The following EXOSC10 variants were observed in gnomAD, a reference collection of about 807,000 sequenced individuals.
EXOSC10 encodes the protein exosome component 10, also known as exosome complex component 10.
EXOSC10 carries 94 observed loss-of-function variants against 126.6 expected under a neutral mutation model. That is an observed-to-expected ratio of 0.74 (90% CI 0.63 to 0.88). EXOSC10 has a LOEUF of 0.88. Among genes scored for constraint, EXOSC10 ranks in the 40% least tolerant of loss-of-function variants. The probability of loss-of-function intolerance (pLI) is 0.00; values close to 1 mark genes in which losing one functional copy is unlikely to be tolerated. For missense variants in EXOSC10, 1,041 were observed against 1,100.5 expected, an observed-to-expected ratio of 0.95 and a Z score of 0.77; for synonymous variants, 395 against 400.8, an observed-to-expected ratio of 0.99 and a Z score of 0.17.
chr1:11,094,558 C>A (rs1380257633), intron 3 of EXOSC10, among the ~76,000 whole-genome samples: 1 of 151,684 alleles, frequency 6.6e-6, no homozygotes, highest in African/African-American at 2.4e-5. Flanking sequence ...ACCTCGGCCT[C>A]CCAAAGTGCT....
At chr1:11,081,025 C>T in intron 11 of EXOSC10, 57 bp downstream of exon 11, 1 of 1,599,472 alleles carries the variant, frequency 6.3e-7, no homozygotes, top group Non-Finnish European at 8.5e-7. Flanking sequence ...AGAACTAGAA[C>T]CTGGCCAGAC....
intron 9 of EXOSC10, among the ~76,000 whole-genome samples, chr1:11,086,629 A>G (rs1374656659): frequency 6.6e-6 from 1 of 152,230 alleles, no homozygotes; most frequent in Non-Finnish European, 1.5e-5. Flanking sequence ...CTCTCAGACC[A>G]CAGTGCAATC....
rs1640037178 is a variant in EXOSC10 at position 11,079,710 on chromosome 1, C to G, written c.1749+1G>C. ...TGCCCAGCCGCAGAAAAGCTTCTTA[C>G]CTTGAGCAGGGGCATCTCTCGGGCC... On this transcript the variant is annotated splice_donor_variant, in intron 14 of 24. Coordinates refer to ENST00000376936, the MANE Select transcript of EXOSC10 (RefSeq NM_001001998.3). LOFTEE classifies it high-confidence loss of function. The G allele has an allele frequency of 6.2e-7, 1 of 1,612,332 alleles. No individual in the cohort carries two copies. The highest frequency in any genetic ancestry group is 8.5e-7 in the Non-Finnish European group (1 of 1,179,088).
chr1:11,097,568 T>C (rs561632806), intron 2 of EXOSC10, among the ~76,000 whole-genome samples: 1 of 149,726 alleles, frequency 6.7e-6, no homozygotes, highest in Non-Finnish European at 1.5e-5. Context: ...CTACTAAAAA[T>C]ACAAAAAATT....
At chr1:11,090,748 T>C in intron 5 of EXOSC10, 80 bp from the exon 6 acceptor site, 1 of 1,169,978 alleles carries the variant, frequency 8.5e-7, no homozygotes, top group Non-Finnish European at 1.2e-6. Context: ...CTGGTTCCCT[T>C]TGTTTTTTGG....
In EXOSC10 at chr1:11,091,606, A is replaced by G; in HGVS notation, c.373-9T>C. On this transcript the variant is annotated splice_polypyrimidine_tract_variant and intron_variant, in intron 3 of 24. Transcript: ENST00000376936. ...TCATCCAGTAAAATACCCTAAGAGT[A>G]GAAGAGGTACTGGTTAAGCATTTTT... The G allele has an allele frequency of 2.5e-6, 4 of 1,605,030 alleles. No homozygotes were observed. The highest frequency in any genetic ancestry group is 3.4e-6 in the Non-Finnish European group (4 of 1,172,008).
intron 3 of EXOSC10, 132 bp from the exon 4 acceptor site, chr1:11,091,729 C>T (rs184025310): frequency 3.2e-6 from 2 of 616,368 alleles, no homozygotes; most frequent in African/African-American, 1.9e-5. Context: ...CGCAATCTTG[C>T]CTCACTGCAA....
chr1:11,077,535 T>C (rs751601348), intron 15 of EXOSC10, 66 bp downstream of exon 15: 9 of 1,604,560 alleles, frequency 5.6e-6, no homozygotes, highest in Admixed American at 3.3e-5. Flanking sequence ...CTGTCAGAGG[T>C]GTACTTGCAC....
At chr1:11,070,347 C>T (rs773171323) in intron 21 of EXOSC10, among the ~76,000 whole-genome samples, 2 of 150,740 alleles carry the variant, frequency 1.3e-5, no homozygotes, top group South Asian at 2.1e-4. Flanking sequence ...AGTGAGACCC[C>T]GTCTCCACCA....
At chr1:11,084,690 G>T (rs1557708995) in intron 9 of EXOSC10, among the ~76,000 whole-genome samples, 2 of 152,174 alleles carry the variant, frequency 1.3e-5, no homozygotes, top group Admixed American at 6.5e-5. Context: ...TAGACATGAA[G>T]TCCTTGCCCA....
rs778549460 is a variant in EXOSC10 at position 11,068,595 on chromosome 1, C to G, written c.2550+50G>C. Reference sequence around the variant, plus strand: ...CTGTCTTCTCAGCAGAGGAGGAGGTCAGAAACAGGCGCCACCAGCGTGCTA... The same window carrying G: ...CTGTCTTCTCAGCAGAGGAGGAGGTGAGAAACAGGCGCCACCAGCGTGCTA... On this transcript the variant is annotated intron_variant, in intron 23 of 24. Transcript: ENST00000376936. 4 of 1,457,538 alleles carry G rather than the reference C, an allele frequency of 2.7e-6. No homozygotes were observed. In the South Asian group the frequency reaches 3.4e-5, roughly 12 times the overall value. The allele number at this position is 1,457,538 out of a possible 1,614,324, so 90.3% of individuals were successfully genotyped here.
In EXOSC10 at chr1:11,080,859, C is replaced by T. The variant is rs752365221; in HGVS notation, c.1491G>A (p.Lys497=). Residue 497 remains lysine (K), a synonymous_variant, in exon 12 of 25, where the codon AAG becomes AAA. Transcript: ENST00000376936. ...TDESYLELYR[K]QKKHLNTQQL... ...GCTGTGTGTTAAGGTGCTTCTTCTG[C>T]TTCCTATAGAGTTCAAGGTAGGACT... 2 of 1,614,022 alleles carry T rather than the reference C, an allele frequency of 1.2e-6. No individual in the cohort carries two copies. The highest frequency in any genetic ancestry group is 1.7e-6 in the Non-Finnish European group (2 of 1,179,992).
chr1:11,081,807 G>A (rs1418762782), intron 10 of EXOSC10, among the ~76,000 whole-genome samples: 3 of 152,170 alleles, frequency 2.0e-5, no homozygotes, highest in Non-Finnish European at 4.4e-5. Context: ...TCTGGGCCAG[G>A]CGCGGTGGCT....
intron 9 of EXOSC10, among the ~76,000 whole-genome samples, chr1:11,085,280 T>C (rs1221010694): frequency 6.6e-6 from 1 of 152,204 alleles, no homozygotes; most frequent in Non-Finnish European, 1.5e-5. Flanking sequence ...TTCTTCCATT[T>C]GTTTGTATCC....
At chr1:11,078,361 C>T (rs1639943373) in intron 14 of EXOSC10, among the ~76,000 whole-genome samples, 1 of 151,328 alleles carries the variant, frequency 6.6e-6, no homozygotes, top group Non-Finnish European at 1.5e-5. Flanking sequence ...GGGTTCACGC[C>T]ATTCTCCTGC....
At chr1:11,095,489 G>A (rs542624344) in intron 3 of EXOSC10, 55 of 262,336 alleles carry the variant, frequency 2.1e-4, no homozygotes, top group South Asian at 9.0e-4. Flanking sequence ...TGAGGCGGGC[G>A]GATCACAAGG....
intron 2 of EXOSC10, among the ~76,000 whole-genome samples, chr1:11,097,407 C>A (rs1387755667): frequency 6.7e-6 from 1 of 148,430 alleles, no homozygotes; most frequent in South Asian, 2.1e-4. Context: ...ATAAAAATAC[C>A]TGCTACTCTA....
chr1:11,077,724 T>G, intron 14 of EXOSC10, 73 bp from the exon 15 acceptor site: 1 of 1,292,850 alleles, frequency 7.7e-7, no homozygotes. Flanking sequence ...TCTCCAGCGC[T>G]GACTGTATTC....
rs923523099 is a variant in EXOSC10 at position 11,077,363 on chromosome 1, A to G, written c.1879+2T>C. 8.1e-6 allele frequency: 13 copies of G among 1,608,482 alleles called. No individual in the cohort carries two copies. Among genetic ancestry groups the G allele is most frequent in the Non-Finnish European group, 1.1e-5 (13 of 1,175,560 alleles). ...GACAGTCAGGAGGGCTCTCGACTTT[A>G]CCACTGGTTGGGATGATTGGATAGC... is the stretch of plus-strand genomic sequence containing the variant. On this transcript the variant is annotated splice_donor_variant, in intron 16 of 24. Transcript: ENST00000376936. LOFTEE classifies it high-confidence loss of function.
Sources: gnomAD v4.1 joint callset for allele counts (sites outside exome capture counted in the v4.1 genomes callset) on GRCh38, gnomAD v4.1.1 for gene constraint, MANE v1.5 for transcripts, NCBI Gene and HGNC (gene_info 2026-07-23, HGNC 2026-07-21) for gene names.